The following IGSF5 variants were observed in gnomAD, a reference collection of about 807,000 sequenced individuals.
IGSF5 encodes immunoglobulin superfamily 5 like.
IGSF5 carries 41 observed loss-of-function variants against 39.4 expected under a neutral mutation model. That is an observed-to-expected ratio of 1.04 (90% confidence interval 0.81 to 1.35). The LOEUF (loss-of-function observed/expected upper bound fraction) is 1.35, where lower values mean the gene tolerates loss of function less well. Ranked by LOEUF, IGSF5 falls within the 40% of genes most tolerant of loss-of-function variation. The pLI is 0.00. For synonymous variants in IGSF5, 183 were observed against 175.3 expected, an observed-to-expected ratio of 1.04 and a Z score of -0.34; for missense variants, 487 against 494.6, an observed-to-expected ratio of 0.98 and a Z score of 0.15.
rs181701910 is a variant in IGSF5 at position 39,763,001 on chromosome 21, G to A, written c.101-2534G>A. On this transcript the variant is annotated intron_variant, in intron 2 of 8. Coordinates refer to ENST00000380588, the MANE Select transcript of IGSF5 (RefSeq NM_001080444.2). The stretch of plus-strand genomic sequence containing the variant: ...AAAGGGAGAGCAAAGAGGAAAGGGA[G>A]GTTTTAAGTGAGGCAGGTGACTGTG... Among the ~76,000 whole-genome samples the A allele has an allele frequency of 2.5e-3, 381 of 152,252 alleles. 2 individuals are homozygous for A. The highest frequency in any genetic ancestry group is 0.014 in the Middle Eastern group (4 of 294).
At chr21:39,793,753 G>T (rs2086979402) in intron 8 of IGSF5, 140 bp downstream of exon 8, 16 of 668,442 alleles carry the variant, frequency 2.4e-5, no homozygotes, top group Non-Finnish European at 2.7e-5. Flanking sequence ...CATATCAGCT[G>T]GTCAGCATGG....
At chr21:39,741,759 C>T (rs557939831), upstream of IGSF5, among the ~76,000 whole-genome samples, 3 of 152,182 alleles carry the variant, frequency 2.0e-5, no homozygotes, top group African/African-American at 4.8e-5. Context: ...TACAGGGATG[C>T]AGAAAAAGGC....
intron 4 of IGSF5, among the ~76,000 whole-genome samples, chr21:39,777,770 T>C (rs2080148405): frequency 6.6e-6 from 1 of 152,194 alleles, no homozygotes; most frequent in Non-Finnish European, 1.5e-5. Flanking sequence ...GCCTGGTGCA[T>C]AGACTTCTAT....
chr21:39,798,020 C>T (rs1321466642), intron 8 of IGSF5, among the ~76,000 whole-genome samples: 2 of 151,996 alleles, frequency 1.3e-5, no homozygotes, highest in South Asian at 2.1e-4. Flanking sequence ...TAAATATGCC[C>T]CCAGGACGGG....
chr21:39,740,275 CCTTT>C (rs1354114710), upstream of IGSF5, among the ~76,000 whole-genome samples: 1 of 152,120 alleles, frequency 6.6e-6, no homozygotes, highest in African/African-American at 2.4e-5. Context: ...CTTGGCGGTT[CCTTT>C]CTATTTCCCT....
intron 4 of IGSF5, among the ~76,000 whole-genome samples, chr21:39,773,479 T>TTTTTTTTTCC (rs66856950): frequency 1.0e-4 from 2 of 19,964 alleles, no homozygotes; most frequent in African/African-American, 2.2e-4. Context: ...CTTCCTTTTC[T>TTTTTTTTTCC]TTTTTTTTCC....
At chr21:39,782,825 C>T (rs2080178221) in intron 5 of IGSF5, among the ~76,000 whole-genome samples, 1 of 152,158 alleles carries the variant, frequency 6.6e-6, no homozygotes, top group African/African-American at 2.4e-5. Context: ...GAAACTTTTC[C>T]TCTTATCTAG....
chr21:39,773,018 TGTTGTATA>T (rs2080122560), intron 4 of IGSF5, among the ~76,000 whole-genome samples: 1 of 152,222 alleles, frequency 6.6e-6, no homozygotes. Flanking sequence ...CATACTGGTT[TGTTGTATA>T]GGCAAACTCA....
intron 4 of IGSF5, among the ~76,000 whole-genome samples, chr21:39,777,637 A>G (rs1450189491): frequency 6.6e-6 from 1 of 151,740 alleles, no homozygotes; most frequent in Non-Finnish European, 1.5e-5. Context: ...GGATGGTGGG[A>G]GATGTGGAGA....
In IGSF5 at chr21:39,797,734, T is replaced by G. The variant is rs1183471391; in HGVS notation, c.1129-3528T>G. On this transcript the variant is annotated intron_variant, in intron 8 of 8. Coordinates refer to ENST00000380588, the MANE Select transcript of IGSF5 (RefSeq NM_001080444.2). ...TGGGGGTCTCACTATTTGCCCAGGCTGTTCTTAAACTCTTGGCCTGAAGCG... is the reference window on the plus strand; with the variant it reads ...TGGGGGTCTCACTATTTGCCCAGGCGGTTCTTAAACTCTTGGCCTGAAGCG... 5.3e-5 allele frequency among the ~76,000 whole-genome samples: 8 copies of G among 152,264 alleles called. No homozygotes were observed. The East Asian group carries it at 1.2e-3, about 22-fold the overall frequency.
At chr21:39,774,251 C>T (rs1162096123) in intron 4 of IGSF5, among the ~76,000 whole-genome samples, 1 of 152,332 alleles carries the variant, frequency 6.6e-6, no homozygotes, top group South Asian at 2.1e-4. Flanking sequence ...GGTGACCAGA[C>T]GAGGCTGTAA....
chr21:39,765,268 C>T (rs1036454243), intron 2 of IGSF5, among the ~76,000 whole-genome samples: 5 of 152,092 alleles, frequency 3.3e-5, no homozygotes, highest in African/African-American at 2.4e-5. Flanking sequence ...TCTGAGGATC[C>T]GGTGGACATG....
chr21:39,719,886 C>G, the IGSF5 span, among the ~76,000 whole-genome samples: 33 of 152,346 alleles, frequency 2.2e-4, no homozygotes, highest in African/African-American at 7.2e-4. Flanking sequence ...CTGGGCCAAG[C>G]GTTATTCTCA....
chr21:39,741,071 A>G (rs901634093), upstream of IGSF5, among the ~76,000 whole-genome samples: 1 of 149,382 alleles, frequency 6.7e-6, no homozygotes, highest in African/African-American at 2.5e-5. Context: ...CAGCGCAAGG[A>G]CTCTTAGAGC....
chr21:39,777,377 C>T (rs2080146642), intron 4 of IGSF5, among the ~76,000 whole-genome samples: 1 of 152,162 alleles, frequency 6.6e-6, no homozygotes, highest in South Asian at 2.1e-4. Context: ...TCGGGATATC[C>T]TGACTCTGTG....
rs1305787723 is a variant in IGSF5 at position 39,746,713 on chromosome 21, C to T, written c.100+415C>T. The stretch of plus-strand genomic sequence containing the variant: ...CAGCTCACGGGACTCCTGATGCTTG[C>T]GTGCTGTGAATAATAAGACACTTTC... On this transcript the variant is annotated intron_variant, in intron 2 of 8. Transcript: ENST00000380588. Among the ~76,000 whole-genome samples, 5 of 152,230 alleles carry T rather than the reference C, an allele frequency of 3.3e-5. No individual in the cohort carries two copies. The South Asian group carries it at 6.2e-4, about 19-fold the overall frequency.
chr21:39,719,460 G>A, the IGSF5 span, among the ~76,000 whole-genome samples: 1 of 152,162 alleles, frequency 6.6e-6, no homozygotes, highest in African/African-American at 2.4e-5. Context: ...ATGTTCTGGA[G>A]GTGACCTCAT....
the IGSF5 span, among the ~76,000 whole-genome samples, chr21:39,739,937 A>G: frequency 1.3e-5 from 2 of 152,188 alleles, no homozygotes; most frequent in Non-Finnish European, 1.5e-5. Flanking sequence ...ACAGGCCCCA[A>G]CTATCTGCTT....
chr21:39,776,588 C>A (rs1160337937), intron 4 of IGSF5, among the ~76,000 whole-genome samples: 1 of 152,186 alleles, frequency 6.6e-6, no homozygotes, highest in Admixed American at 6.5e-5. Flanking sequence ...GACTCAGTCA[C>A]CATTCCCAGC....
Sources: allele counts gnomAD v4.1 joint callset (sites outside exome capture counted in the v4.1 genomes callset), GRCh38; gene constraint gnomAD v4.1.1; transcripts MANE v1.5; gene names NCBI Gene and HGNC (gene_info 2026-07-23, HGNC 2026-07-21).